The following CEP295 variants were observed in gnomAD, a reference collection of about 807,000 sequenced individuals.
CEP295 encodes the protein centrosomal protein of 295 kDa.
Under a neutral mutation model 291.6 loss-of-function variants are expected in CEP295, and 190 were observed. That is an observed-to-expected ratio of 0.65 (90% CI 0.58 to 0.73). The LOEUF is 0.73. CEP295 is among the 30% of genes least tolerant of loss of function. The pLI, the probability that CEP295 is intolerant of heterozygous loss-of-function variation, is 0.00. For missense variants in CEP295, 2,863 were observed against 2,949.4 expected (o/e 0.97, Z 0.68); for synonymous variants, 993 against 1,038.8 (o/e 0.96, Z 0.85).
Position 93,729,963 on chromosome 11 carries a change from G to C in CEP295, c.7661G>C (p.Gly2554Ala), listed in dbSNP as rs1938186990. The C allele has an allele frequency of 6.6e-7, 1 of 1,523,902 alleles. No homozygotes were observed. Among genetic ancestry groups the C allele is most frequent in the Non-Finnish European group, 8.8e-7 (1 of 1,139,122 alleles). 94.4% of individuals were successfully genotyped at this position (1,523,902 alleles called of 1,614,324 possible). ...ACACAGGCTCTAAGGCACCAAAGGG[G>C]TCTAAGGTAGGGTTAATTTTTTTTT... Reference protein sequence around the residue: ...KTTQALRHQRGLRLYNQLAEV... With the variant: ...KTTQALRHQRALRLYNQLAEV... Residue 2554 changes from glycine to alanine, a missense_variant, in exon 28 of 30, where the codon GGT (glycine) becomes GCT (alanine). Physicochemically the swap from Gly to Ala is moderately conservative, Grantham distance 60. This residue lies in a region of CEP295 where 2,295 missense variants were observed against 2,335.7 expected (regional missense o/e 0.98). Transcript: ENST00000325212.
chr11:93,722,329 G>T (rs1407533363), intron 20 of CEP295, among the ~76,000 whole-genome samples: 1 of 152,058 alleles, frequency 6.6e-6, no homozygotes, highest in East Asian at 1.9e-4. Context: ...AGGTGTGGTG[G>T]TAAGTGCCTG....
intron 23 of CEP295, chr11:93,726,551 A>G (rs941445638): frequency 6.5e-6 from 1 of 153,830 alleles, no homozygotes; most frequent in African/African-American, 2.4e-5. Flanking sequence ...CCTGGGCAAC[A>G]TAGAAAACAA....
chr11:93,683,501 T>C (rs1421240280), intron 7 of CEP295, 58 bp from the exon 8 acceptor site: 1 of 1,267,724 alleles, frequency 7.9e-7, no homozygotes, highest in Admixed American at 3.2e-5. Flanking sequence ...GCAACATTGT[T>C]AATATTACCA....
intron 13 of CEP295, 139 bp downstream of exon 13, chr11:93,695,773 G>A: frequency 1.1e-6 from 1 of 908,186 alleles, no homozygotes; most frequent in African/African-American, 1.8e-5. Flanking sequence ...CACTTTGGGT[G>A]GCCGAGACAG....
rs549688390 is a variant in CEP295 at position 93,722,960 on chromosome 11, G to A, written c.5948-81G>A. The A allele has an allele frequency of 2.2e-5, 25 of 1,121,696 alleles. No homozygotes were observed. The East Asian group carries it at 3.9e-4, about 18-fold the overall frequency. 69.5% of individuals were successfully genotyped at this position (1,121,696 alleles called of 1,614,324 possible). ...CTTGACCTCGTGATCCACCCACCTC[G>A]GCCTCCCAAAGTGCTGGTATTACAG... On this transcript the variant is annotated intron_variant, in intron 20 of 29. Transcript: ENST00000325212.
intron 24 of CEP295, chr11:93,728,361 G>A: frequency 5.1e-6 from 1 of 196,132 alleles, no homozygotes; most frequent in Non-Finnish European, 1.0e-5. Flanking sequence ...ATACAATTCG[G>A]CACAGCCAAC....
At chr11:93,667,111 T>A (rs559238841) in intron 2 of CEP295, among the ~76,000 whole-genome samples, 1 of 152,376 alleles carries the variant, frequency 6.6e-6, no homozygotes, top group South Asian at 2.1e-4. Context: ...CTTTGAAGAA[T>A]GCTAATTGGA....
intron 2 of CEP295, 36 bp downstream of exon 2, chr11:93,666,851 T>C: frequency 8.8e-7 from 1 of 1,133,390 alleles, no homozygotes; most frequent in South Asian, 1.4e-5. Flanking sequence ...TAAATTCCTT[T>C]CTTCCTCAAA....
intron 5 of CEP295, among the ~76,000 whole-genome samples, chr11:93,670,469 A>G (rs1950388538): frequency 6.6e-6 from 1 of 152,166 alleles, no homozygotes; most frequent in South Asian, 2.1e-4. Flanking sequence ...AGTTATTGAA[A>G]TGGCTATTTG....
rs543997557 is a variant in CEP295, at chr11:93,721,491, A to G, written c.5850+79A>G. ...CTCTTTTGTTTAGTTTACAGAAGCT[A>G]TGTTATAACATTAAAGTCAGTGCTT... On this transcript the variant is annotated intron_variant, in intron 19 of 29. Coordinates refer to ENST00000325212, the MANE Select transcript of CEP295 (RefSeq NM_033395.2). 2.4e-5 allele frequency: 22 copies of G among 917,144 alleles called. No individual in the cohort carries two copies. In the East Asian group the frequency reaches 4.8e-4, roughly 20 times the overall value. 56.8% of individuals were successfully genotyped at this position (917,144 alleles called of 1,614,324 possible). A position where few individuals can be genotyped will look rare whatever the true frequency, so the allele number is the denominator to read the frequency against.
chr11:93,706,665 A>G (rs1952528428), intron 17 of CEP295, 80 bp from the exon 18 acceptor site: 3 of 1,212,398 alleles, frequency 2.5e-6, no homozygotes, highest in Non-Finnish European at 3.4e-6. Context: ...TTAGATTTCT[A>G]CCCATAATAT....
chr11:93,679,541 C>A lies in CEP295; in HGVS notation c.754C>A (p.His252Asn). 1 of 1,551,146 alleles carries A rather than the reference C, an allele frequency of 6.4e-7. No homozygotes were observed. Among genetic ancestry groups the A allele is most frequent in the Non-Finnish European group, 8.7e-7 (1 of 1,146,706 alleles). The stretch of plus-strand genomic sequence containing the variant: ...GGGATTCCAAGCAATGAAGAAGATC[C>A]ATTTGGCTCAAGTAAGACTTATATT... ...VRGFQAMKKIHLAQNQEKLMK... is the reference protein window; with the variant it reads ...VRGFQAMKKINLAQNQEKLMK... Residue 252 changes from histidine (H) to asparagine (N), a missense_variant, in exon 7 of 30, where the codon CAT (histidine) becomes AAT (asparagine). His to Asn is a moderately conservative substitution (Grantham distance 68, BLOSUM62 1). Transcript: ENST00000325212.
At chr11:93,702,366 G>A (rs972573099) in intron 15 of CEP295, 94 bp from the exon 16 acceptor site, 56 of 786,844 alleles carry the variant, frequency 7.1e-5, no homozygotes, top group East Asian at 2.7e-4. Flanking sequence ...TTTGGTTTAC[G>A]TTCTAATTTA....
At position 93,729,440 on chromosome 11, in the gene CEP295, G is replaced by T; in HGVS notation, c.7309G>T (p.Glu2437Ter). 6.5e-7 allele frequency: 1 copy of T among 1,549,204 alleles called. No homozygotes were observed. Residue 2437 changes from glutamate to a stop codon, truncating the protein, a stop_gained, in exon 26 of 30, where the codon GAG becomes TAG. Transcript: ENST00000325212. LOFTEE classifies it high-confidence loss of function. ...NEAKCFFQVS[E>*]FLPLVSATEA... ...GCAACTTTCTTGCCATTAGGTGAGT[G>T]AGTTTCTGCCTCTTGTATCAGCAAC...
At chr11:93,691,844 T>G in intron 11 of CEP295, 69 bp downstream of exon 11, 1 of 1,279,760 alleles carries the variant, frequency 7.8e-7, no homozygotes, top group South Asian at 1.4e-5. Flanking sequence ...TAAAATTACA[T>G]GTGATATATT....
At chr11:93,679,297 ACT>A in intron 6 of CEP295, 113 bp from the exon 7 acceptor site, 1 of 864,554 alleles carries the variant, frequency 1.2e-6, no homozygotes, top group South Asian at 2.0e-5. Flanking sequence ...TTAAAATATA[ACT>A]CTTCTTATAT....
intron 17 of CEP295, among the ~76,000 whole-genome samples, chr11:93,704,796 G>A (rs756102296): frequency 5.3e-5 from 8 of 152,152 alleles, no homozygotes; most frequent in Admixed American, 2.6e-4. Context: ...GGGAAATAGC[G>A]CTGAAAGGTA....
Position 93,699,676 on chromosome 11 carries a change from AC to A in CEP295, c.4765del (p.Leu1589PhefsTer2). The A allele has an allele frequency of 6.4e-7, 1 of 1,551,530 alleles. No homozygotes were observed. The highest frequency in any genetic ancestry group is 8.7e-7 in the Non-Finnish European group (1 of 1,147,040). On this transcript the variant is annotated frameshift_variant, in exon 15 of 30. Coordinates refer to ENST00000325212, the MANE Select transcript of CEP295 (RefSeq NM_033395.2). LOFTEE classifies it high-confidence loss of function. ...GTGAGATTCCAAGATTACAGGATAG[AC>A]TTTTGAGTTTATCAAAGCCTATTCT... Reference protein sequence around the residue: ...HREIPRLQDRLLSLSKPILPQ... With the variant: ...HREIPRLQDRXLSLSKPILPQ...
At chr11:93,663,007 C>G (rs1950055220) in intron 1 of CEP295, among the ~76,000 whole-genome samples, 2 of 152,174 alleles carry the variant, frequency 1.3e-5, no homozygotes, top group South Asian at 2.1e-4. Context: ...GAGGGACATT[C>G]AACAAAGTAC....
Sources: gnomAD v4.1 joint callset for allele counts (sites outside exome capture counted in the v4.1 genomes callset) on GRCh38, gnomAD v4.1.1 for gene constraint, gnomAD v4.1.1 regional missense constraint, MANE v1.5 for transcripts, NCBI Gene and HGNC (gene_info 2026-07-23, HGNC 2026-07-21) for gene names.